NAPB: variants seen among roughly 807,000 people sequenced by gnomAD.
NAPB encodes beta-soluble NSF attachment protein.
In NAPB, 26 loss-of-function variants were observed where a neutral mutation model predicts 44.7. The ratio of observed to expected loss-of-function variants is 0.58; its 90% CI spans 0.43 to 0.81. NAPB has a LOEUF of 0.81. Ranked by LOEUF, NAPB falls within the 30% of genes least tolerant of loss-of-function variation. The pLI is 0.00. For missense variants in NAPB, 315 were observed against 356.4 expected, an observed-to-expected ratio of 0.88 and a Z score of 0.94; for synonymous variants, 120 against 116.8, an observed-to-expected ratio of 1.03 and a Z score of -0.18.
intron 5 of NAPB, among the ~76,000 whole-genome samples, chr20:23,394,146 CAG>C (rs1227424707): frequency 1.3e-5 from 2 of 152,150 alleles, no homozygotes; most frequent in African/African-American, 4.8e-5. Context: ...AGTAGAGAAA[CAG>C]AGTATGATGC....
intron 7 of NAPB, among the ~76,000 whole-genome samples, chr20:23,388,461 C>T: frequency 6.6e-6 from 1 of 152,106 alleles, no homozygotes; most frequent in East Asian, 1.9e-4. Context: ...CAAAACAATT[C>T]TGAAAAAGAA....
In NAPB at chr20:23,381,439, T is replaced by C. The variant is rs1568602825; in HGVS notation, c.562-122A>G. On this transcript the variant is annotated intron_variant, in intron 7 of 10. Transcript: ENST00000377026. ...CTTATGTTTGTTTAGCTATGAAATA[T>C]ATTATTTTATCCGAATACCATATAG... 6.7e-6 allele frequency: 4 copies of C among 595,950 alleles called. No individual in the cohort carries two copies. The East Asian group carries it at 1.3e-4, about 19-fold the overall frequency. 36.9% of individuals were successfully genotyped at this position (595,950 alleles called of 1,614,324 possible). A position where few individuals can be genotyped will look rare whatever the true frequency, so the allele number is the denominator to read the frequency against.
intron 7 of NAPB, among the ~76,000 whole-genome samples, chr20:23,389,410 G>A (rs1422342471): frequency 1.3e-5 from 2 of 152,030 alleles, no homozygotes; most frequent in East Asian, 1.9e-4. Flanking sequence ...TCTATTCCCA[G>A]GTATGTAACT....
At chr20:23,419,198 A>G (rs1568626376) in intron 1 of NAPB, among the ~76,000 whole-genome samples, 1 of 152,206 alleles carries the variant, frequency 6.6e-6, no homozygotes, top group Admixed American at 6.5e-5. Flanking sequence ...AAGCACAGAG[A>G]GGCTAAGTAA....
At chr20:23,414,187 T>C (rs1435920015) in intron 1 of NAPB, among the ~76,000 whole-genome samples, 4 of 152,114 alleles carry the variant, frequency 2.6e-5, no homozygotes, top group Non-Finnish European at 5.9e-5. Flanking sequence ...CTGGGCATGG[T>C]GGCCTGTGCC....
chr20:23,381,412 A>T, intron 7 of NAPB, 95 bp from the exon 8 acceptor site: 1 of 726,236 alleles, frequency 1.4e-6, no homozygotes, highest in Non-Finnish European at 2.2e-6. Context: ...ATAATTATGT[A>T]TCTTATGTTT....
chr20:23,395,521 G>C (rs1984295772), intron 3 of NAPB, among the ~76,000 whole-genome samples: 1 of 152,142 alleles, frequency 6.6e-6, no homozygotes, highest in South Asian at 2.1e-4. Context: ...CTGATAAATT[G>C]TATCTGCTAA....
At chr20:23,399,715 A>C (rs1984686532) in intron 2 of NAPB, among the ~76,000 whole-genome samples, 1 of 152,220 alleles carries the variant, frequency 6.6e-6, no homozygotes, top group Admixed American at 6.5e-5. Flanking sequence ...GTGGCCAGGC[A>C]CCTGGGGTAC....
At chr20:23,381,451 C>T (rs893867234) in intron 7 of NAPB, 134 bp from the exon 8 acceptor site, 19 of 548,032 alleles carry the variant, frequency 3.5e-5, no homozygotes, top group Middle Eastern at 4.9e-4. Context: ...TTATTTTATC[C>T]GAATACCATA....
intron 7 of NAPB, among the ~76,000 whole-genome samples, chr20:23,385,135 A>C (rs1014555057): frequency 2.6e-5 from 4 of 152,144 alleles, no homozygotes; most frequent in African/African-American, 7.2e-5. Flanking sequence ...AACAAACAAA[A>C]AAAAACAAGA....
intron 7 of NAPB, among the ~76,000 whole-genome samples, chr20:23,389,102 C>T (rs141446956): frequency 1.3e-5 from 2 of 152,084 alleles, no homozygotes; most frequent in East Asian, 3.9e-4. Context: ...CTGGAATAGA[C>T]ATTTCTCCAA....
chr20:23,389,094 G>A (rs1983743550), intron 7 of NAPB, among the ~76,000 whole-genome samples: 1 of 151,698 alleles, frequency 6.6e-6, no homozygotes, highest in Non-Finnish European at 1.5e-5. Context: ...AGAAAGTACT[G>A]GAATAGACAT....
chr20:23,379,390 GTTTC>G, intron 10 of NAPB, 51 bp downstream of exon 10: 1 of 1,354,062 alleles, frequency 7.4e-7, no homozygotes, highest in Non-Finnish European at 1.0e-6. Flanking sequence ...AGGAAAAGAA[GTTTC>G]TTTAACTTAA....
intron 3 of NAPB, among the ~76,000 whole-genome samples, chr20:23,395,870 C>T (rs906653612): frequency 1.8e-4 from 28 of 152,078 alleles, no homozygotes; most frequent in African/African-American, 6.8e-4. Context: ...GTGACAGCTC[C>T]AAGTTTATTA....
intron 7 of NAPB, among the ~76,000 whole-genome samples, chr20:23,383,393 A>C (rs1335687500): frequency 6.6e-6 from 1 of 152,072 alleles, no homozygotes; most frequent in African/African-American, 2.4e-5. Flanking sequence ...GGGGAAAACA[A>C]GTTGAATGAC....
intron 3 of NAPB, among the ~76,000 whole-genome samples, chr20:23,395,417 T>C (rs906651653): frequency 2.0e-5 from 3 of 152,174 alleles, no homozygotes; most frequent in Non-Finnish European, 4.4e-5. Context: ...TGGAGTAACA[T>C]TGGCTTAGTT....
At chr20:23,419,492 TGCTGTCAA>T (rs1986240342) in intron 1 of NAPB, among the ~76,000 whole-genome samples, 2 of 152,222 alleles carry the variant, frequency 1.3e-5, no homozygotes, top group African/African-American at 4.8e-5. Context: ...AAGCACCAAG[TGCTGTCAA>T]GCTTTTTCCT....
chr20:23,395,296 G>A (rs1388574281), intron 3 of NAPB, 111 bp from the exon 4 acceptor site: 14 of 1,134,190 alleles, frequency 1.2e-5, no homozygotes, highest in Non-Finnish European at 1.7e-5. Flanking sequence ...TATAATTTTG[G>A]AGTGGAGGGT....
intron 10 of NAPB, among the ~76,000 whole-genome samples, chr20:23,378,085 T>C (rs1338308226): frequency 6.7e-6 from 1 of 149,168 alleles, no homozygotes; most frequent in Non-Finnish European, 1.5e-5. Context: ...CCAAGGCAGG[T>C]GGATAGCTTA....
Sources: gnomAD v4.1 joint callset for allele counts (sites outside exome capture counted in the v4.1 genomes callset) on GRCh38, gnomAD v4.1.1 for gene constraint, MANE v1.5 for transcripts, NCBI Gene and HGNC (gene_info 2026-07-23, HGNC 2026-07-21) for gene names.